The following TAS1R1 variants were observed in gnomAD, a reference collection of about 807,000 sequenced individuals.
TAS1R1 encodes the protein taste receptor type 1 member 1.
In TAS1R1, 31 loss-of-function variants were observed where a neutral mutation model predicts 45.8. That is an observed-to-expected ratio of 0.68 (90% CI 0.51 to 0.91). TAS1R1 has a LOEUF of 0.91. Among genes scored for constraint, TAS1R1 ranks in the 40% least tolerant of loss-of-function variants. TAS1R1 has a pLI of 0.00. For synonymous variants in TAS1R1, 437 were observed against 448.4 expected (o/e 0.97, Z 0.32); for missense variants, 1,051 against 1,063.9 (o/e 0.99, Z 0.17).
intron 3 of TAS1R1, among the ~76,000 whole-genome samples, chr1:6,576,103 T>G (rs1640165818): frequency 6.6e-6 from 1 of 152,250 alleles, no homozygotes; most frequent in Non-Finnish European, 1.5e-5. Flanking sequence ...GTGCTGGGAT[T>G]ACAGGCATTA....
intron 1 of TAS1R1, among the ~76,000 whole-genome samples, chr1:6,555,942 G>C (rs1439965867): frequency 1.5e-5 from 2 of 136,678 alleles, no homozygotes; most frequent in Non-Finnish European, 3.1e-5. Context: ...CGCGATCTCA[G>C]CTCACTGCAA....
chr1:6,573,043 C>A (rs1462547475), intron 2 of TAS1R1, among the ~76,000 whole-genome samples: 1 of 152,218 alleles, frequency 6.6e-6, no homozygotes, highest in Non-Finnish European at 1.5e-5. Flanking sequence ...CTGGAATTCA[C>A]ACCAGCATCA....
rs1373936289 is a variant in TAS1R1, at chr1:6,571,294, C to T, written c.498+79C>T. On this transcript the variant is annotated intron_variant, in intron 2 of 5. Transcript: ENST00000333172. ...GGGCATGTGGGCAAGAGCTGCTGTC[C>T]CCCCCAAGGCTGCCTGCCCCCTGGA... 22 of 1,280,310 alleles carry T rather than the reference C, an allele frequency of 1.7e-5. No individual in the cohort carries two copies. The East Asian group carries it at 5.3e-4, about 31-fold the overall frequency. The allele number at this position is 1,280,310 out of a possible 1,614,324, so 79.3% of individuals were successfully genotyped here.
intron 2 of TAS1R1, among the ~76,000 whole-genome samples, chr1:6,573,685 C>T (rs558763308): frequency 2.0e-4 from 30 of 151,656 alleles, no homozygotes; most frequent in East Asian, 1.4e-3. Flanking sequence ...TTTTTTGAGA[C>T]GGAGTTTCGC....
chr1:6,558,952 C>CG (rs1639733610), intron 1 of TAS1R1, among the ~76,000 whole-genome samples: 1 of 111,812 alleles, frequency 8.9e-6, no homozygotes, highest in African/African-American at 3.3e-5. Flanking sequence ...AGTGCAGTGG[C>CG]GCGATCTCGG....
Position 6,571,086 on chromosome 1 carries a change from G to A in TAS1R1, c.369G>A (p.Gly123=), listed in dbSNP as rs748209429. The change falls in exon 2 of 6, where the codon GGG becomes GGA. Residue 123 remains glycine (G), a synonymous_variant. Transcript: ENST00000333172. ...YATLRVLSLP[G]QHHIELQGDL... ...CGCTGAGAGTGCTCTCCCTGCCAGG[G>A]CAACACCACATAGAGCTCCAAGGAG... The A allele has an allele frequency of 2.5e-6, 4 of 1,614,022 alleles. No homozygotes were observed. The highest frequency in any genetic ancestry group is 3.3e-5 in the Admixed American group (2 of 59,996).
At chr1:6,576,866 T>C in intron 4 of TAS1R1, 84 bp from the exon 5 acceptor site, 1 of 1,600,674 alleles carries the variant, frequency 6.2e-7, no homozygotes, top group Non-Finnish European at 8.5e-7. Context: ...TGAGGGCAGA[T>C]GCACAGAGAT....
At chr1:6,571,395 C>G (rs1363778715) in intron 2 of TAS1R1, among the ~76,000 whole-genome samples, 180 bp downstream of exon 2, 1 of 152,222 alleles carries the variant, frequency 6.6e-6, no homozygotes, top group Non-Finnish European at 1.5e-5. Context: ...CAGCCTTCCT[C>G]TCTTTCCAGA....
chr1:6,572,647 G>A (rs1039880998), intron 2 of TAS1R1, among the ~76,000 whole-genome samples: 2 of 151,436 alleles, frequency 1.3e-5, no homozygotes, highest in African/African-American at 4.9e-5. Flanking sequence ...GCTTTCACTT[G>A]CAGCTCTTCT....
At chr1:6,567,953 G>T (rs1570115047) in intron 1 of TAS1R1, among the ~76,000 whole-genome samples, 1 of 152,142 alleles carries the variant, frequency 6.6e-6, no homozygotes, top group African/African-American at 2.4e-5. Context: ...ACTATGGCTA[G>T]ATTGACGGAT....
chr1:6,577,007 G>C lies in TAS1R1; in HGVS notation c.1531G>C (p.Gly511Arg). 1 of 1,614,234 alleles carries C rather than the reference G, an allele frequency of 6.2e-7. No individual in the cohort carries two copies. The highest frequency in any genetic ancestry group is 8.5e-7 in the Non-Finnish European group (1 of 1,180,036). The change falls in exon 5 of 6, where the codon GGT (glycine) becomes CGT (arginine). Residue 511 changes from glycine (G) to arginine (R), a missense_variant. By Grantham distance (125) the Gly-to-Arg change is moderately radical. Coordinates refer to ENST00000333172, the MANE Select transcript of TAS1R1 (RefSeq NM_138697.4). ...CLEGHQRVVT[G>R]FHHCCFECVP... The stretch of plus-strand genomic sequence containing the variant: ...TGAAGGGCACCAGCGAGTGGTTACG[G>C]GTTTCCATCACTGCTGCTTTGAGTG...
At chr1:6,576,361 G>T in intron 3 of TAS1R1, 54 bp from the exon 4 acceptor site, 1 of 1,580,232 alleles carries the variant, frequency 6.3e-7, no homozygotes, top group Non-Finnish European at 8.7e-7. Flanking sequence ...TTGCTTCTGG[G>T]ACCATGTGGG....
At chr1:6,575,709 T>A (rs1640153151) in intron 3 of TAS1R1, among the ~76,000 whole-genome samples, 2 of 150,476 alleles carry the variant, frequency 1.3e-5, no homozygotes, top group African/African-American at 4.9e-5. Context: ...TTTTTTTTTT[T>A]TGAGATAGAG....
At chr1:6,564,464 G>A (rs1199789916) in intron 1 of TAS1R1, among the ~76,000 whole-genome samples, 1 of 152,178 alleles carries the variant, frequency 6.6e-6, no homozygotes, top group Non-Finnish European at 1.5e-5. Context: ...TGAGGAAGGA[G>A]GGTGCTTTTG....
In TAS1R1 at chr1:6,575,088, G is replaced by A. The variant is rs916487254; in HGVS notation, c.956G>A (p.Gly319Glu). 2.5e-6 allele frequency: 4 copies of A among 1,590,206 alleles called. No individual in the cohort carries two copies. Among genetic ancestry groups the A allele is most frequent in the Non-Finnish European group, 3.4e-6 (4 of 1,167,770 alleles). Residue 319 changes from glycine (G) to glutamate (E), a missense_variant, in exon 3 of 6, where the codon GGG becomes GAG. Gly to Glu is a moderately conservative substitution (Grantham distance 98). Transcript: ENST00000333172. ...ITGVPGIQRI[G>E]MVLGVAIQKR... ...GGGGTGCCCGGGATCCAGCGCATTG[G>A]GATGGTGCTGGGCGTGGCCATCCAG...
At chr1:6,573,482 C>T (rs889335319) in intron 2 of TAS1R1, among the ~76,000 whole-genome samples, 5 of 151,848 alleles carry the variant, frequency 3.3e-5, no homozygotes, top group Admixed American at 2.6e-4. Flanking sequence ...AATGCAAGTC[C>T]GAACATAGCA....
At chr1:6,562,170 T>G (rs1200828050) in intron 1 of TAS1R1, among the ~76,000 whole-genome samples, 1 of 151,818 alleles carries the variant, frequency 6.6e-6, no homozygotes, top group East Asian at 1.9e-4. Context: ...GCCAGGAGGG[T>G]TTTTTTGTTT....
chr1:6,577,768 C>T (rs530281927), intron 5 of TAS1R1, among the ~76,000 whole-genome samples: 32 of 152,146 alleles, frequency 2.1e-4, no homozygotes, highest in Non-Finnish European at 3.8e-4. Flanking sequence ...GCGGAGGTTG[C>T]AGTGAGCCAA....
At chr1:6,569,444 G>A (rs145600222) in intron 1 of TAS1R1, among the ~76,000 whole-genome samples, 157 of 152,278 alleles carry the variant, frequency 1.0e-3, no homozygotes, top group African/African-American at 3.6e-3. Flanking sequence ...TGCCATTTTC[G>A]GGCCATTGGG....
Sources: allele counts gnomAD v4.1 joint callset (sites outside exome capture counted in the v4.1 genomes callset), GRCh38; gene constraint gnomAD v4.1.1; transcripts MANE v1.5; gene names NCBI Gene and HGNC (gene_info 2026-07-23, HGNC 2026-07-21).